KDM4C: variants seen among roughly 807,000 people sequenced by gnomAD.
The protein encoded by KDM4C is lysine-specific demethylase 4C.
In KDM4C, 81 loss-of-function variants were observed where a neutral mutation model predicts 129.3. The observed-to-expected ratio is 0.63, with a 90% confidence interval of 0.52 to 0.75. The LOEUF (loss-of-function observed/expected upper bound fraction) is 0.75, where lower values mean the gene tolerates loss of function less well. Among genes scored for constraint, KDM4C ranks in the 30% least tolerant of loss-of-function variants. KDM4C has a pLI of 0.00. For synonymous variants in KDM4C, 573 were observed against 456.1 expected, an observed-to-expected ratio of 1.26 and a Z score of -3.26; for missense variants, 1,457 against 1,304.0, an observed-to-expected ratio of 1.12 and a Z score of -1.81.
chr9:6,814,821 A>G lies in KDM4C; in HGVS notation c.435+76A>G, dbSNP rs62568862. 0.096 allele frequency: 85,583 copies of G among 892,910 alleles called. 4,779 individuals are homozygous for G. Among genetic ancestry groups the G allele is most frequent in the Non-Finnish European group, 0.12 (67,984 of 575,582 alleles). 55.3% of individuals were successfully genotyped at this position (892,910 alleles called of 1,614,324 possible). On this transcript the variant is annotated intron_variant, in intron 4 of 21. Transcript: ENST00000381309. The stretch of plus-strand genomic sequence containing the variant: ...TTTGTTACCATTTAAGCAGTTTAGA[A>G]GTGTTCTTTTGTTGTGCTTTTGGGT...
rs549117216 is a variant in KDM4C at position 7,163,781 on chromosome 9, C to G, written c.2782-1457C>G. On this transcript the variant is annotated intron_variant, in intron 19 of 21. Coordinates refer to ENST00000381309, the MANE Select transcript of KDM4C (RefSeq NM_015061.6). ...CAGCCTACCCTTTCAATTCCACATGCCCTGAGGTCAAGTCCTATGAGGGCC... is the reference window on the plus strand; with the variant it reads ...CAGCCTACCCTTTCAATTCCACATGGCCTGAGGTCAAGTCCTATGAGGGCC... Among the ~76,000 whole-genome samples, 18 of 152,300 alleles carry G rather than the reference C, an allele frequency of 1.2e-4. No homozygotes were observed. In the East Asian group the frequency reaches 2.7e-3, roughly 23 times the overall value.
chr9:6,760,821 C>T (rs1054227603), intron 1 of KDM4C, among the ~76,000 whole-genome samples: 5 of 151,818 alleles, frequency 3.3e-5, no homozygotes, highest in South Asian at 2.1e-4. Flanking sequence ...ATCTGCCCAC[C>T]TCAGCCTCCC....
At chr9:7,131,412 G>A (rs7037720) in intron 19 of KDM4C, among the ~76,000 whole-genome samples, 81,769 of 152,056 alleles carry the variant, frequency 0.54, 22,394 homozygotes, top group Middle Eastern at 0.63. Flanking sequence ...CCAGAGAAGC[G>A]GAACCAATAG....
intron 8 of KDM4C, among the ~76,000 whole-genome samples, chr9:6,957,192 A>T (rs1038042874): frequency 3.3e-5 from 5 of 152,154 alleles, no homozygotes; most frequent in Non-Finnish European, 5.9e-5. Context: ...CACATGTGCA[A>T]ATTCTCCCTG....
chr9:6,933,604 CAAAT>C (rs1369222892), intron 8 of KDM4C, among the ~76,000 whole-genome samples: 1 of 152,098 alleles, frequency 6.6e-6, no homozygotes, highest in Non-Finnish European at 1.5e-5. Flanking sequence ...TTTAAAAGGA[CAAAT>C]AAAAGCCATT....
intron 18 of KDM4C, chr9:7,104,159 G>T (rs116296345): frequency 8.5e-4 from 299 of 350,632 alleles, no homozygotes; most frequent in African/African-American, 5.7e-3. Context: ...TGTTGGATCT[G>T]TACACAGGGC....
At chr9:6,789,133 T>C (rs1030541891) in intron 1 of KDM4C, among the ~76,000 whole-genome samples, 4 of 150,674 alleles carry the variant, frequency 2.7e-5, no homozygotes, top group African/African-American at 4.9e-5. Context: ...CACTGCACCC[T>C]CTGCCCCCCG....
intron 15 of KDM4C, among the ~76,000 whole-genome samples, chr9:7,027,343 A>G (rs1207982206): frequency 1.3e-5 from 2 of 152,314 alleles, no homozygotes; most frequent in East Asian, 1.9e-4. Context: ...TTGCAGAGGT[A>G]CTGTCTTCAT....
intron 2 of KDM4C, among the ~76,000 whole-genome samples, chr9:6,800,396 G>A (rs1225128901): frequency 2.0e-5 from 3 of 151,476 alleles, no homozygotes; most frequent in Admixed American, 2.0e-4. Context: ...AAAATTAACT[G>A]AGCGTAGGAG....
At chr9:6,929,915 A>T (rs1471032214) in intron 8 of KDM4C, among the ~76,000 whole-genome samples, 1 of 152,166 alleles carries the variant, frequency 6.6e-6, no homozygotes, top group African/African-American at 2.4e-5. Flanking sequence ...TATGGCTCAT[A>T]AGAAGTCTCA....
At chr9:7,008,943 T>G (rs906476497) in intron 12 of KDM4C, among the ~76,000 whole-genome samples, 12 of 152,312 alleles carry the variant, frequency 7.9e-5, no homozygotes, top group African/African-American at 2.9e-4. Flanking sequence ...CACTAGTTCT[T>G]CAAATGCATG....
At chr9:6,827,558 C>T (rs1034550885) in intron 4 of KDM4C, among the ~76,000 whole-genome samples, 1 of 152,198 alleles carries the variant, frequency 6.6e-6, no homozygotes, top group Non-Finnish European at 1.5e-5. Context: ...TGCTCTTGGA[C>T]AGCAAATTTA....
intron 15 of KDM4C, among the ~76,000 whole-genome samples, chr9:7,028,957 G>T (rs1370876746): frequency 6.6e-6 from 1 of 152,098 alleles, no homozygotes; most frequent in East Asian, 1.9e-4. Context: ...TTCTCCTACC[G>T]TCTTCAGTGC....
At chr9:6,917,653 C>T (rs1299244641) in intron 8 of KDM4C, among the ~76,000 whole-genome samples, 1 of 152,166 alleles carries the variant, frequency 6.6e-6, no homozygotes, top group African/African-American at 2.4e-5. Context: ...AGCCATGTTG[C>T]CGAGTTCGTT....
At chr9:6,938,226 G>A (rs1170309334) in intron 8 of KDM4C, among the ~76,000 whole-genome samples, 2 of 151,842 alleles carry the variant, frequency 1.3e-5, no homozygotes, top group African/African-American at 4.8e-5. Flanking sequence ...TATATTATAG[G>A]ATGAACATAA....
chr9:7,149,050 G>A lies in KDM4C; in HGVS notation c.2782-16188G>A, dbSNP rs145342883. 5.1e-3 allele frequency among the ~76,000 whole-genome samples: 780 copies of A among 152,286 alleles called. 4 individuals are homozygous for A. Among genetic ancestry groups the A allele is most frequent in the African/African-American group, 0.015 (628 of 41,552 alleles). ...CCTAATAACCTGTCTGCCTTTTGCC[G>A]TCATCAACTGCCACTTATGGCACCC... On this transcript the variant is annotated intron_variant, in intron 19 of 21. Transcript: ENST00000381309.
intron 17 of KDM4C, among the ~76,000 whole-genome samples, chr9:7,066,395 G>GC (rs1169667322): frequency 6.6e-6 from 1 of 152,140 alleles, no homozygotes; most frequent in Non-Finnish European, 1.5e-5. Context: ...CAAGAGAAGG[G>GC]CTAGAATAAA....
intron 8 of KDM4C, among the ~76,000 whole-genome samples, chr9:6,938,414 G>A (rs1249973841): frequency 6.6e-6 from 1 of 152,160 alleles, no homozygotes; most frequent in Non-Finnish European, 1.5e-5. Context: ...TCTACAGGAA[G>A]CTAATATTTT....
chr9:7,051,137 A>G (rs755754234), intron 17 of KDM4C, among the ~76,000 whole-genome samples: 11 of 152,194 alleles, frequency 7.2e-5, no homozygotes, highest in Non-Finnish European at 1.6e-4. Context: ...TATTTTTCAT[A>G]TAATGTTATA....
Sources: gnomAD v4.1 joint callset for allele counts (sites outside exome capture counted in the v4.1 genomes callset) on GRCh38, gnomAD v4.1.1 for gene constraint, MANE v1.5 for transcripts, NCBI Gene and HGNC (gene_info 2026-07-23, HGNC 2026-07-21) for gene names.